The following FRMPD4 variants were observed in gnomAD, a reference collection of about 807,000 sequenced individuals.
FRMPD4 encodes FERM and PDZ domain-containing protein 4.
Under a neutral mutation model 94.1 loss-of-function variants are expected in FRMPD4, and 22 were observed. The observed-to-expected ratio is 0.23, with a 90% CI of 0.17 to 0.33. FRMPD4 has a LOEUF of 0.33. Ranked by LOEUF, FRMPD4 falls within the 10% of genes least tolerant of loss-of-function variation. The probability of loss-of-function intolerance (pLI) is 1.00; values close to 1 mark genes in which losing one functional copy is unlikely to be tolerated. For missense variants in FRMPD4, 1,111 were observed against 1,339.9 expected (o/e 0.83, Z 2.67); for synonymous variants, 631 against 548.6 (o/e 1.15, Z -2.10).
chrX:12,581,535 TTAAAC>T (rs1363210579), intron 2 of FRMPD4, among the ~76,000 whole-genome samples: 1 of 112,310 alleles, frequency 8.9e-6, no homozygotes, highest in Non-Finnish European at 1.9e-5. Context: ...GAAATTTTGC[TTAAAC>T]TAATGGCCAA....
At chrX:11,908,476 C>T (rs2053979851) in intron 3 of FRMPD4, among the ~76,000 whole-genome samples, 2 of 112,306 alleles carry the variant, frequency 1.8e-5, no homozygotes, top group African/African-American at 6.5e-5. Context: ...GGACTTTCAT[C>T]CCTTTTGTTT....
At position 12,498,201 on chromosome X, in the gene FRMPD4, T is replaced by C. The variant is rs1240741548; in HGVS notation, c.42-479T>C. Among the ~76,000 whole-genome samples the C allele has an allele frequency of 9.8e-5, 11 of 111,867 alleles. No homozygotes were observed. In the Admixed American group the frequency reaches 1.0e-3, roughly 11 times the overall value. ...CATCTGAAGTGAAAGGACCAAGTGATGAGGGATGTTGAGCCATCCTAAAAT... is the reference window on the plus strand; with the variant it reads ...CATCTGAAGTGAAAGGACCAAGTGACGAGGGATGTTGAGCCATCCTAAAAT... On this transcript the variant is annotated intron_variant, in intron 1 of 16. Coordinates refer to ENST00000675598, the MANE Select transcript of FRMPD4 (RefSeq NM_001368397.1).
intron 1 of FRMPD4, among the ~76,000 whole-genome samples, chrX:12,312,239 CTTTTTTTTTTTTTTTTTT>C (rs200625685): frequency 3.2e-5 from 2 of 61,544 alleles, no homozygotes; most frequent in African/African-American, 7.0e-5. Context: ...TGCTCCATTA[CTTTTTTTTTTTTTTTTTT>C]TTTTTTTTTT....
At chrX:11,989,205 A>C (rs1199280036) in intron 3 of FRMPD4, among the ~76,000 whole-genome samples, 1 of 112,028 alleles carries the variant, frequency 8.9e-6, no homozygotes, top group Non-Finnish European at 1.9e-5. Context: ...CACTGTTCAC[A>C]ATAGCCAAGA....
intron 1 of FRMPD4, among the ~76,000 whole-genome samples, chrX:12,209,042 C>T (rs1046985871): frequency 8.9e-5 from 10 of 111,776 alleles, no homozygotes; most frequent in African/African-American, 2.9e-4. Flanking sequence ...GTGAGATTAA[C>T]GATCACATTA....
At chrX:12,013,204 A>G (rs1250646149) in intron 3 of FRMPD4, among the ~76,000 whole-genome samples, 1 of 112,044 alleles carries the variant, frequency 8.9e-6, no homozygotes, top group Non-Finnish European at 1.9e-5. Context: ...TTAGCATTGT[A>G]TTACATTGTT....
intron 1 of FRMPD4, among the ~76,000 whole-genome samples, chrX:12,251,077 G>T (rs1396420986): frequency 8.9e-6 from 1 of 112,114 alleles, no homozygotes; most frequent in Non-Finnish European, 1.9e-5. Context: ...TGGTAAATTT[G>T]CCTGACGTTC....
intron 4 of FRMPD4, among the ~76,000 whole-genome samples, chrX:12,628,870 A>G (rs1321353213): frequency 1.8e-5 from 2 of 112,780 alleles, no homozygotes; most frequent in Non-Finnish European, 3.7e-5. Flanking sequence ...CAGTTTATAA[A>G]GAAAAAGAGG....
chrX:11,953,740 G>A (rs1527114), intron 3 of FRMPD4, among the ~76,000 whole-genome samples: 38,082 of 110,644 alleles, frequency 0.34, 5,265 homozygotes, highest in East Asian at 0.81. Flanking sequence ...GAGTCAGCCA[G>A]TTCTCTTAAG....
chrX:12,198,847 A>C (rs1409519739), intron 1 of FRMPD4, among the ~76,000 whole-genome samples: 1 of 112,348 alleles, frequency 8.9e-6, no homozygotes, highest in Non-Finnish European at 1.9e-5. Flanking sequence ...TTGATAGAAA[A>C]AGAACGTAGA....
chrX:11,853,095 C>T (rs1463924902), intron 1 of FRMPD4, among the ~76,000 whole-genome samples: 2 of 112,108 alleles, frequency 1.8e-5, no homozygotes, highest in East Asian at 5.5e-4. Context: ...GACTAAGAAA[C>T]TCAAAACCAT....
intron 3 of FRMPD4, 22 bp from the exon 4 acceptor site, chrX:12,614,757 G>GCTT: frequency 1.2e-6 from 1 of 859,659 alleles, no homozygotes; most frequent in Non-Finnish European, 1.7e-6. Context: ...TCTCACCTGT[G>GCTT]CTTCATTCTA....
chrX:12,050,859 G>A (rs1247067319), intron 3 of FRMPD4, among the ~76,000 whole-genome samples: 1 of 110,836 alleles, frequency 9.0e-6, no homozygotes, highest in East Asian at 2.8e-4. Context: ...AATAAAAAAA[G>A]AGTTGTACAA....
At chrX:11,891,214 C>T (rs1264625464) in intron 3 of FRMPD4, among the ~76,000 whole-genome samples, 1 of 112,033 alleles carries the variant, frequency 8.9e-6, no homozygotes, top group Non-Finnish European at 1.9e-5. Flanking sequence ...TAACAGGTGG[C>T]TTATGGATAA....
chrX:12,165,104 T>G (rs1250604720), intron 1 of FRMPD4, among the ~76,000 whole-genome samples: 14 of 111,559 alleles, frequency 1.3e-4, no homozygotes, highest in Admixed American at 5.7e-4. Context: ...TTTTGGTGTT[T>G]TAGACATGAA....
At chrX:12,217,612 TG>T (rs2056821871) in intron 1 of FRMPD4, among the ~76,000 whole-genome samples, 1 of 112,379 alleles carries the variant, frequency 8.9e-6, no homozygotes, top group Non-Finnish European at 1.9e-5. Context: ...AATAATATTT[TG>T]GTTATGTCTT....
intron 1 of FRMPD4, among the ~76,000 whole-genome samples, chrX:12,184,587 A>T (rs1428639844): frequency 1.8e-5 from 2 of 112,234 alleles, no homozygotes; most frequent in African/African-American, 6.5e-5. Flanking sequence ...TCATGTAAAA[A>T]CTAAGTTCAT....
intron 2 of FRMPD4, among the ~76,000 whole-genome samples, chrX:12,588,171 A>G (rs2058949678): frequency 9.0e-6 from 1 of 111,390 alleles, no homozygotes; most frequent in Non-Finnish European, 1.9e-5. Flanking sequence ...TTGTATTTTT[A>G]GTAGAGACGG....
intron 3 of FRMPD4, among the ~76,000 whole-genome samples, chrX:12,014,520 G>A (rs900850241): frequency 8.9e-6 from 1 of 111,733 alleles, no homozygotes; most frequent in African/African-American, 3.3e-5. Flanking sequence ...TAGGATATAG[G>A]CATCCCTGTG....
Sources: allele counts gnomAD v4.1 joint callset (sites outside exome capture counted in the v4.1 genomes callset), GRCh38; gene constraint gnomAD v4.1.1; transcripts MANE v1.5; gene names NCBI Gene and HGNC (gene_info 2026-07-23, HGNC 2026-07-21).